Variants in DAAM1 observed in about 807,000 individuals in gnomAD.
The protein encoded by DAAM1 is dishevelled associated activator of morphogenesis 1.
DAAM1 carries 52 observed loss-of-function variants against 130.0 expected under a neutral mutation model. The observed-to-expected ratio is 0.40, with a 90% confidence interval of 0.32 to 0.50. DAAM1 has a LOEUF of 0.50. DAAM1 is among the 20% of genes least tolerant of loss of function. DAAM1 has a pLI of 0.61. For synonymous variants in DAAM1, 452 were observed against 444.5 expected, an observed-to-expected ratio of 1.02 and a Z score of -0.21; for missense variants, 1,134 against 1,303.8, an observed-to-expected ratio of 0.87 and a Z score of 2.01.
At position 59,196,023 on chromosome 14, in the gene DAAM1, A is replaced by G. The variant is rs557140210; in HGVS notation, c.-38+7255A>G. The stretch of plus-strand genomic sequence containing the variant: ...CTGGTAGGAAAACCCTGTAAGTGAG[A>G]GGCAAGACTGCCAGCAGCTTGCTAA... On this transcript the variant is annotated intron_variant, in intron 1 of 24. Transcript: ENST00000360909. 2.0e-4 allele frequency among the ~76,000 whole-genome samples: 30 copies of G among 152,314 alleles called. No homozygotes were observed. The East Asian group carries it at 5.4e-3, about 27-fold the overall frequency.
chr14:59,315,146 A>AT, intron 3 of DAAM1, 134 bp from the exon 4 acceptor site: 1 of 824,620 alleles, frequency 1.2e-6, no homozygotes, highest in Non-Finnish European at 2.1e-6. Context: ...ACATTTAAAA[A>AT]TAAATACGTC....
rs1489833630 is a variant in DAAM1, at chr14:59,371,158, T to C, written c.*2299T>C. On this transcript the variant is annotated 3_prime_UTR_variant, in exon 25 of 25. Transcript: ENST00000360909. Reference sequence around the variant, plus strand: ...TTGGTGCTGGTGTAAGTAGCCACTTTTCTCTCTTGGGTGTGTATTTTAAAC... The same window carrying C: ...TTGGTGCTGGTGTAAGTAGCCACTTCTCTCTCTTGGGTGTGTATTTTAAAC... 13 of 152,118 alleles carry C rather than the reference T, an allele frequency of 8.5e-5. No homozygotes were observed. The highest frequency in any genetic ancestry group is 8.5e-4 in the Admixed American group (13 of 15,278). The allele number at this position is 152,118 out of a possible 1,614,324, so 9.4% of individuals were successfully genotyped here.
chr14:59,347,038 G>A (rs1392292306), intron 16 of DAAM1, among the ~76,000 whole-genome samples: 1 of 149,896 alleles, frequency 6.7e-6, no homozygotes, highest in East Asian at 2.1e-4. Context: ...TTAAAAAAAA[G>A]CCTTAACTAT....
At chr14:59,358,838 A>C (rs1421375727) in intron 20 of DAAM1, among the ~76,000 whole-genome samples, 5 of 22,568 alleles carry the variant, frequency 2.2e-4, no homozygotes, top group African/African-American at 7.5e-4. Context: ...CCCCATCTCA[A>C]AAAAAAAAAA....
chr14:59,368,808 C>G lies in DAAM1; in HGVS notation c.3156C>G (p.Asn1052Lys). The change falls in exon 25 of 25, where the codon AAC (asparagine) becomes AAG (lysine). Residue 1052 changes from asparagine to lysine, a missense_variant. This residue lies in a region of DAAM1 where 644 missense variants were observed against 695.9 expected (regional missense o/e 0.93). Coordinates refer to ENST00000360909, the MANE Select transcript of DAAM1 (RefSeq NM_001270520.2). ...AACGGAATCGCAAACGTATTACCAA[C>G]CAGATGACTGACAGCAGCAGAGAGA... ...KLKRNRKRIT[N>K]QMTDSSRERP... The G allele has an allele frequency of 6.2e-7, 1 of 1,613,928 alleles. No individual in the cohort carries two copies. The highest frequency in any genetic ancestry group is 8.5e-7 in the Non-Finnish European group (1 of 1,179,912).
intron 15 of DAAM1, among the ~76,000 whole-genome samples, chr14:59,336,906 C>T (rs139502892): frequency 6.6e-6 from 1 of 152,280 alleles, no homozygotes; most frequent in East Asian, 1.9e-4. Context: ...TTAATCTTCA[C>T]ACCAATCAGT....
intron 8 of DAAM1, 43 bp from the exon 9 acceptor site, chr14:59,325,621 A>G (rs752099814): frequency 6.5e-7 from 1 of 1,546,762 alleles, no homozygotes; most frequent in South Asian, 1.1e-5. Context: ...ACCTGTGTTT[A>G]TAGGATGTTC....
At chr14:59,197,903 C>G (rs7147782) in intron 1 of DAAM1, among the ~76,000 whole-genome samples, 9,505 of 152,222 alleles carry the variant, frequency 0.062, 973 homozygotes, top group African/African-American at 0.22. Context: ...CCTTAACCCT[C>G]TAGCTTAGAA....
At chr14:59,305,828 G>A (rs1289573689) in intron 3 of DAAM1, among the ~76,000 whole-genome samples, 2 of 152,176 alleles carry the variant, frequency 1.3e-5, no homozygotes, top group African/African-American at 4.8e-5. Flanking sequence ...TTTTGGGGAG[G>A]ACATAAATAA....
At chr14:59,246,850 A>G (rs1048507919) in intron 1 of DAAM1, among the ~76,000 whole-genome samples, 3 of 152,126 alleles carry the variant, frequency 2.0e-5, no homozygotes, top group Non-Finnish European at 4.4e-5. Flanking sequence ...TTTGTATGTC[A>G]TCTTTGGAGA....
chr14:59,322,531 A>G (rs549354983), intron 5 of DAAM1, among the ~76,000 whole-genome samples: 2 of 151,848 alleles, frequency 1.3e-5, no homozygotes, highest in East Asian at 3.9e-4. Context: ...GGGTGGGGGC[A>G]TGGGAACTGT....
chr14:59,201,545 G>A (rs1038630873), intron 1 of DAAM1, among the ~76,000 whole-genome samples: 6 of 152,072 alleles, frequency 3.9e-5, no homozygotes, highest in African/African-American at 1.4e-4. Flanking sequence ...GAACCTGGGA[G>A]GTGGAGGTTG....
chr14:59,295,613 G>A (rs1883928481), intron 3 of DAAM1, among the ~76,000 whole-genome samples: 1 of 152,132 alleles, frequency 6.6e-6, no homozygotes, highest in African/African-American at 2.4e-5. Flanking sequence ...TTCCAGTGCT[G>A]GAGAGGCAGT....
chr14:59,193,319 C>G (rs1451502452), intron 1 of DAAM1, among the ~76,000 whole-genome samples: 1 of 152,160 alleles, frequency 6.6e-6, no homozygotes, highest in Non-Finnish European at 1.5e-5. Flanking sequence ...AAGTGTGGAT[C>G]TGAAGTTCAC....
rs779552631 is a variant in DAAM1, at chr14:59,328,420, A to G, written c.1372+1429A>G. On this transcript the variant is annotated intron_variant, in intron 12 of 24. Coordinates refer to ENST00000360909, the MANE Select transcript of DAAM1 (RefSeq NM_001270520.2). ...ATATTTTAGGAATACACTCTAGAGCATGGAGACTCAAGTGTGCAGGTTGAG... is the reference window on the plus strand; with the variant it reads ...ATATTTTAGGAATACACTCTAGAGCGTGGAGACTCAAGTGTGCAGGTTGAG... Among the ~76,000 whole-genome samples, 116 of 152,348 alleles carry G rather than the reference A, an allele frequency of 7.6e-4. 1 individual carries two copies. Among genetic ancestry groups the G allele is most frequent in the South Asian group, 1.0e-3 (5 of 4,824 alleles).
At chr14:59,330,355 C>T in intron 12 of DAAM1, 146 bp from the exon 13 acceptor site, 1 of 701,834 alleles carries the variant, frequency 1.4e-6, no homozygotes, top group Non-Finnish European at 2.2e-6. Flanking sequence ...CTTTGAGTTG[C>T]TCCCTTTGAT....
chr14:59,263,055 G>C (rs1029664484), intron 1 of DAAM1, among the ~76,000 whole-genome samples: 33 of 152,166 alleles, frequency 2.2e-4, no homozygotes, highest in African/African-American at 6.5e-4. Flanking sequence ...TAAAAGATAA[G>C]GAAGAGATCT....
intron 16 of DAAM1, among the ~76,000 whole-genome samples, chr14:59,344,794 C>G (rs1257109294): frequency 6.6e-6 from 1 of 152,118 alleles, no homozygotes; most frequent in East Asian, 1.9e-4. Flanking sequence ...GTTCTGTGCT[C>G]CATATGGGGA....
chr14:59,280,572 T>C (rs1429481211), intron 2 of DAAM1, among the ~76,000 whole-genome samples: 1 of 144,414 alleles, frequency 6.9e-6, no homozygotes, highest in Non-Finnish European at 1.5e-5. Context: ...TTCTGCTATG[T>C]CAGACTGCTT....
Sources: gnomAD v4.1 joint callset for allele counts (sites outside exome capture counted in the v4.1 genomes callset) on GRCh38, gnomAD v4.1.1 for gene constraint, gnomAD v4.1.1 regional missense constraint, MANE v1.5 for transcripts, NCBI Gene and HGNC (gene_info 2026-07-23, HGNC 2026-07-21) for gene names.